Variants in PRKDC observed in about 807,000 individuals in gnomAD.
PRKDC encodes the protein protein kinase, DNA-activated, catalytic subunit, also known as DNA-dependent protein kinase catalytic subunit.
PRKDC carries 82 observed loss-of-function variants against 486.9 expected under a neutral mutation model. The ratio of observed to expected loss-of-function variants is 0.17; its 90% CI spans 0.14 to 0.20. PRKDC has a LOEUF of 0.20. Ranked by LOEUF, PRKDC falls within the 10% of genes least tolerant of loss-of-function variation. PRKDC has a pLI of 1.00. For missense variants in PRKDC, 4,504 were observed against 5,038.2 expected (o/e 0.89, Z 3.21); for synonymous variants, 1,895 against 1,837.0 (o/e 1.03, Z -0.81).
chr8:47,833,133 C>G (rs939694488), intron 59 of PRKDC, among the ~76,000 whole-genome samples: 1 of 152,230 alleles, frequency 6.6e-6, no homozygotes, highest in African/African-American at 2.4e-5. Flanking sequence ...TCCTTCAACT[C>G]ACAGCACATG....
chr8:47,806,911 G>T (rs2087224538), intron 69 of PRKDC, among the ~76,000 whole-genome samples: 1 of 152,072 alleles, frequency 6.6e-6, no homozygotes, highest in Non-Finnish European at 1.5e-5. Context: ...GCCCAAGCTG[G>T]TCTCTAATTT....
chr8:47,955,842 T>C (rs193294153), intron 4 of PRKDC, 32 bp downstream of exon 4: 38 of 1,489,740 alleles, frequency 2.6e-5, no homozygotes, highest in Admixed American at 6.0e-5. Flanking sequence ...ACATGTTTAA[T>C]GTAAAATACG....
intron 5 of PRKDC, 101 bp downstream of exon 5, chr8:47,954,237 G>T: frequency 1.8e-6 from 1 of 543,670 alleles, no homozygotes; most frequent in Non-Finnish European, 2.9e-6. Flanking sequence ...GTATTCGACT[G>T]TAAAATAAGA....
In PRKDC at chr8:47,914,597, G is replaced by T. The variant is rs1161617574; in HGVS notation, c.2618-533C>A. ...GGTGGATCACCTGAGGTCAGGAGTT[G>T]AAGACCAGCCTGGCCAACATGGTGA... On this transcript the variant is annotated intron_variant, in intron 23 of 85. Coordinates refer to ENST00000314191, the MANE Select transcript of PRKDC (RefSeq NM_006904.7). Among the ~76,000 whole-genome samples, 5 of 152,046 alleles carry T rather than the reference G, an allele frequency of 3.3e-5. No individual in the cohort carries two copies. In the East Asian group the frequency reaches 9.7e-4, roughly 29 times the overall value.
intron 38 of PRKDC, among the ~76,000 whole-genome samples, chr8:47,880,034 A>G (rs1463446743): frequency 6.6e-6 from 1 of 151,868 alleles, no homozygotes; most frequent in East Asian, 1.9e-4. Flanking sequence ...TTTTTCATAG[A>G]GACGGGGTTT....
intron 32 of PRKDC, 148 bp from the exon 33 acceptor site, chr8:47,889,370 G>A: frequency 1.5e-6 from 1 of 647,762 alleles, no homozygotes; most frequent in Non-Finnish European, 2.6e-6. Flanking sequence ...GTAAACACTT[G>A]AGGTTTGTGG....
intron 30 of PRKDC, among the ~76,000 whole-genome samples, chr8:47,896,443 A>T (rs1000309527): frequency 6.7e-6 from 1 of 149,390 alleles, no homozygotes; most frequent in Non-Finnish European, 1.5e-5. Flanking sequence ...GTCAGCAGAT[A>T]GAGACCATCC....
intron 78 of PRKDC, 90 bp downstream of exon 78, chr8:47,783,652 C>T (rs1392632270): frequency 8.9e-6 from 11 of 1,237,468 alleles, no homozygotes; most frequent in South Asian, 3.8e-5. Context: ...CAACATGGGC[C>T]GTTGTCTCAT....
chr8:47,839,157 G>C lies in PRKDC; in HGVS notation c.7544C>G (p.Pro2515Arg), dbSNP rs1458782627. Residue 2515 changes from proline to arginine, a missense_variant, in exon 56 of 86, where the codon CCT (proline) becomes CGT (arginine). Pro to Arg is a moderately radical substitution (Grantham distance 103). Coordinates refer to ENST00000314191, the MANE Select transcript of PRKDC (RefSeq NM_006904.7). ...CCAGTTATTCACGTACTGAAGTCCAGGGTTCTCATCGATCAATCCTTGAAT... is the reference window on the plus strand; with the variant it reads ...CCAGTTATTCACGTACTGAAGTCCACGGTTCTCATCGATCAATCCTTGAAT... The part of the protein sequence containing the change: ...VLIQGLIDEN[P>R]GLQLIIRNFW... 6.2e-7 allele frequency: 1 copy of C among 1,612,410 alleles called. No homozygotes were observed.
At chr8:47,812,353 T>C (rs2087347823) in intron 68 of PRKDC, among the ~76,000 whole-genome samples, 1 of 152,184 alleles carries the variant, frequency 6.6e-6, no homozygotes, top group African/African-American at 2.4e-5. Context: ...TTTACATAGG[T>C]ATTTACTAAA....
At chr8:47,790,186 C>T (rs1006910850) in intron 74 of PRKDC, among the ~76,000 whole-genome samples, 7 of 152,130 alleles carry the variant, frequency 4.6e-5, no homozygotes, top group African/African-American at 1.7e-4. Context: ...ACAAAACCAT[C>T]AGAACTGATA....
intron 30 of PRKDC, among the ~76,000 whole-genome samples, chr8:47,893,933 A>C (rs2089519531): frequency 6.6e-6 from 1 of 152,236 alleles, no homozygotes. Flanking sequence ...TGAAAATGTC[A>C]AATCATTCTG....
Position 47,889,020 on chromosome 8 carries a change from G to C in PRKDC, c.4274C>G (p.Ala1425Gly), listed in dbSNP as rs772824391. ...LETHLREKIT[A>G]QSIEELCAVN... The stretch of plus-strand genomic sequence containing the variant: ...TTGTGACCCAAGTACCCACCTCTGT[G>C]CTGTTATTTTCTCTCTCAGATGGGT... The change falls in exon 33 of 86, where the codon GCA becomes GGA. Residue 1425 changes from alanine to glycine, a missense_variant. Ala to Gly is a moderately conservative substitution (Grantham distance 60). Around this residue, in one of 6 missense-constraint regions of PRKDC, gnomAD observed 1,969 missense variants for 2,068.9 expected, o/e 0.95. Coordinates refer to ENST00000314191, the MANE Select transcript of PRKDC (RefSeq NM_006904.7). 6.2e-7 allele frequency: 1 copy of C among 1,613,310 alleles called. No homozygotes were observed. The highest frequency in any genetic ancestry group is 1.7e-5 in the Admixed American group (1 of 60,014).
intron 80 of PRKDC, among the ~76,000 whole-genome samples, chr8:47,780,979 C>T (rs892466782): frequency 6.6e-6 from 1 of 152,042 alleles, no homozygotes; most frequent in African/African-American, 2.4e-5. Flanking sequence ...AGAAAAAAAA[C>T]AGCAAGGATT....
rs903445829 is a variant in PRKDC at position 47,890,514 on chromosome 8, C to T, written c.3848-34G>A. On this transcript the variant is annotated intron_variant, in intron 31 of 85. Coordinates refer to ENST00000314191, the MANE Select transcript of PRKDC (RefSeq NM_006904.7). ...AATTATATTAAAGTATTAATATATG[C>T]TTCCTTTCAACTCCACTAAGATTAA... The T allele has an allele frequency of 4.9e-6, 7 of 1,415,652 alleles. No homozygotes were observed. In the African/African-American group the frequency reaches 7.1e-5, roughly 14 times the overall value. 87.7% of individuals were successfully genotyped at this position (1,415,652 alleles called of 1,614,324 possible).
intron 28 of PRKDC, 146 bp from the exon 29 acceptor site, chr8:47,898,715 T>A (rs2089627481): frequency 4.0e-6 from 2 of 495,674 alleles, no homozygotes; most frequent in Middle Eastern, 1.1e-3. Flanking sequence ...CTAAGAATAA[T>A]AAAATTAGAT....
intron 68 of PRKDC, among the ~76,000 whole-genome samples, chr8:47,816,536 A>G (rs186366867): frequency 5.3e-5 from 8 of 152,344 alleles, no homozygotes; most frequent in Admixed American, 5.2e-4. Context: ...TGAAAGCACC[A>G]AGGTTCATCA....
intron 21 of PRKDC, among the ~76,000 whole-genome samples, chr8:47,920,680 G>T (rs1248397536): frequency 6.6e-6 from 1 of 152,176 alleles, no homozygotes; most frequent in Non-Finnish European, 1.5e-5. Flanking sequence ...TTAAATAAAT[G>T]TATTTTATCT....
chr8:47,831,097 C>T (rs950633705), intron 60 of PRKDC, among the ~76,000 whole-genome samples: 1 of 152,220 alleles, frequency 6.6e-6, no homozygotes, highest in African/African-American at 2.4e-5. Flanking sequence ...TCCTGCCCTC[C>T]GGCTGCCTCT....
Sources: allele counts gnomAD v4.1 joint callset (sites outside exome capture counted in the v4.1 genomes callset), GRCh38; gene constraint gnomAD v4.1.1; regional missense constraint gnomAD v4.1.1; transcripts MANE v1.5; gene names NCBI Gene and HGNC (gene_info 2026-07-23, HGNC 2026-07-21).